TRIO: variants seen among roughly 807,000 people sequenced by gnomAD.
The protein encoded by TRIO is triple functional domain protein.
Under a neutral mutation model 351.9 loss-of-function variants are expected in TRIO, and 58 were observed. The ratio of observed to expected loss-of-function variants is 0.16; its 90% confidence interval spans 0.13 to 0.21. TRIO has a LOEUF of 0.21. Ranked by LOEUF, TRIO falls within the 10% of genes least tolerant of loss-of-function variation. The pLI is 1.00. For synonymous variants in TRIO, 1,758 were observed against 1,595.7 expected (o/e 1.10, Z -2.42); for missense variants, 3,201 against 4,027.8 (o/e 0.79, Z 5.56).
At chr5:14,285,343 CTG>C (rs1736349445) in intron 3 of TRIO, among the ~76,000 whole-genome samples, 2 of 152,222 alleles carry the variant, frequency 1.3e-5, no homozygotes, top group Middle Eastern at 6.8e-3. Context: ...GCTCCTCTGA[CTG>C]TGAGCCGCCT....
intron 7 of TRIO, among the ~76,000 whole-genome samples, chr5:14,299,353 A>G (rs1236552761): frequency 1.3e-5 from 2 of 152,202 alleles, no homozygotes; most frequent in African/African-American, 4.8e-5. Context: ...TACGGTGGCC[A>G]GAGAAGAAGC....
intron 1 of TRIO, among the ~76,000 whole-genome samples, chr5:14,213,368 T>G (rs1041024636): frequency 6.7e-6 from 1 of 149,498 alleles, no homozygotes; most frequent in Non-Finnish European, 1.5e-5. Flanking sequence ...TTATTTATAA[T>G]ATATGCACTA....
rs749969070 is a variant in TRIO, at chr5:14,199,365, C to A, written c.157+55483C>A. Among the ~76,000 whole-genome samples, 4 of 152,198 alleles carry A rather than the reference C, an allele frequency of 2.6e-5. No homozygotes were observed. In the Middle Eastern group the frequency reaches 0.014, roughly 518 times the overall value. On this transcript the variant is annotated intron_variant, in intron 1 of 56. Coordinates refer to ENST00000344204, the MANE Select transcript of TRIO (RefSeq NM_007118.4). The stretch of plus-strand genomic sequence containing the variant: ...GTTTTGGATTATTAATGCAGAACTG[C>A]TAAATAATTTTTTGAATGGTAGCTT...
At chr5:14,182,571 A>C (rs1176507258) in intron 1 of TRIO, among the ~76,000 whole-genome samples, 1 of 152,218 alleles carries the variant, frequency 6.6e-6, no homozygotes, top group Non-Finnish European at 1.5e-5. Flanking sequence ...TTTTGTTGAT[A>C]ATTAAAGTGT....
At chr5:14,239,998 C>T (rs1416527659) in intron 1 of TRIO, among the ~76,000 whole-genome samples, 1 of 152,194 alleles carries the variant, frequency 6.6e-6, no homozygotes, top group Non-Finnish European at 1.5e-5. Context: ...CTGGTTTTCT[C>T]ATGTAGATCA....
rs986982728 is a variant in TRIO at position 14,347,933 on chromosome 5, G to C, written c.2047-10245G>C. ...ATCAGTTTTAATATATGAGTGTTTT[G>C]AATCAGTACAGAGTAAGAATCACAT... On this transcript the variant is annotated intron_variant, in intron 11 of 56. Coordinates refer to ENST00000344204, the MANE Select transcript of TRIO (RefSeq NM_007118.4). Among the ~76,000 whole-genome samples, 9 of 152,324 alleles carry C rather than the reference G, an allele frequency of 5.9e-5. 1 individual carries two copies. The South Asian group carries it at 1.9e-3, about 32-fold the overall frequency.
intron 34 of TRIO, among the ~76,000 whole-genome samples, chr5:14,444,517 C>T (rs904629773): frequency 6.6e-5 from 10 of 152,202 alleles, no homozygotes; most frequent in Non-Finnish European, 1.0e-4. Context: ...TGTCCCTGCT[C>T]ACCCCTACCT....
intron 37 of TRIO, among the ~76,000 whole-genome samples, chr5:14,469,245 T>C (rs888339105): frequency 6.6e-6 from 1 of 152,080 alleles, no homozygotes; most frequent in Non-Finnish European, 1.5e-5. Flanking sequence ...AAACCAAAAA[T>C]TTATTCTTTA....
chr5:14,482,622 C>T lies in TRIO; in HGVS notation c.6506C>T (p.Thr2169Ile), dbSNP rs1308284765. 3 of 1,571,962 alleles carry T rather than the reference C, an allele frequency of 1.9e-6. No individual in the cohort carries two copies. The highest frequency in any genetic ancestry group is 1.8e-5 in the Admixed American group (1 of 55,978). Reference sequence around the variant, plus strand: ...CAGGGTAAACTGCTCTTGCAGGACACATTCTTGGTCACAGACCAAGATGCA... The same window carrying T: ...CAGGGTAAACTGCTCTTGCAGGACATATTCTTGGTCACAGACCAAGATGCA... ...VAQGKLLLQDTFLVTDQDAGL... is the reference protein window; with the variant it reads ...VAQGKLLLQDIFLVTDQDAGL... The change falls in exon 46 of 57, where the codon ACA (threonine) becomes ATA (isoleucine). Residue 2169 changes from threonine (T) to isoleucine (I), a missense_variant. Thr to Ile is a moderately conservative substitution (Grantham distance 89, BLOSUM62 -1). Coordinates refer to ENST00000344204, the MANE Select transcript of TRIO (RefSeq NM_007118.4).
chr5:14,499,040 G>T (rs1414729829), intron 53 of TRIO: 2 of 178,900 alleles, frequency 1.1e-5, no homozygotes, highest in East Asian at 1.2e-4. Context: ...ATCTGGTCTA[G>T]GTTGGTCTCA....
At chr5:14,264,826 C>T (rs1469925793) in intron 1 of TRIO, among the ~76,000 whole-genome samples, 1 of 152,174 alleles carries the variant, frequency 6.6e-6, no homozygotes, top group African/African-American at 2.4e-5. Context: ...TCTGCGCGTG[C>T]GCTTGCGGAG....
chr5:14,296,001 T>C (rs988761546), intron 6 of TRIO, among the ~76,000 whole-genome samples: 9 of 152,168 alleles, frequency 5.9e-5, no homozygotes, highest in Non-Finnish European at 1.3e-4. Context: ...AAAGAAATAA[T>C]GAACAAGTGA....
intron 1 of TRIO, among the ~76,000 whole-genome samples, chr5:14,171,945 C>T (rs115283756): frequency 0.014 from 2,055 of 152,192 alleles, 24 homozygotes; most frequent in Middle Eastern, 0.024. Context: ...GCAAAGATAT[C>T]CTTGTATGCA....
At chr5:14,427,883 C>G (rs750650142) in intron 34 of TRIO, among the ~76,000 whole-genome samples, 1 of 152,164 alleles carries the variant, frequency 6.6e-6, no homozygotes, top group Non-Finnish European at 1.5e-5. Flanking sequence ...CAAGAGCCAG[C>G]CACACACTGA....
intron 37 of TRIO, among the ~76,000 whole-genome samples, chr5:14,468,689 C>T (rs543597628): frequency 1.3e-5 from 2 of 152,214 alleles, no homozygotes; most frequent in African/African-American, 4.8e-5. Context: ...CCTTAAGCAT[C>T]CACATGTGTT....
chr5:14,444,267 A>G (rs1357998615), intron 34 of TRIO, among the ~76,000 whole-genome samples: 1 of 152,258 alleles, frequency 6.6e-6, no homozygotes, highest in African/African-American at 2.4e-5. Context: ...ACTGCCTCAA[A>G]TTAAAGCTGT....
chr5:14,174,928 A>G (rs952892735), intron 1 of TRIO, among the ~76,000 whole-genome samples: 2 of 152,178 alleles, frequency 1.3e-5, no homozygotes, highest in African/African-American at 4.8e-5. Flanking sequence ...ATTATTACAG[A>G]TCTCTCAAAA....
At chr5:14,225,445 C>G (rs1379978389) in intron 1 of TRIO, among the ~76,000 whole-genome samples, 7 of 152,270 alleles carry the variant, frequency 4.6e-5, no homozygotes, top group Admixed American at 6.5e-5. Flanking sequence ...GCCATTGGGA[C>G]TGCATTTCCA....
chr5:14,414,743 C>A, intron 33 of TRIO, among the ~76,000 whole-genome samples: 1 of 152,066 alleles, frequency 6.6e-6, no homozygotes, highest in Non-Finnish European at 1.5e-5. Context: ...CTTTTAAACT[C>A]TAAGTGGCAG....
Sources: gnomAD v4.1 joint callset for allele counts (sites outside exome capture counted in the v4.1 genomes callset) on GRCh38, gnomAD v4.1.1 for gene constraint, MANE v1.5 for transcripts, NCBI Gene and HGNC (gene_info 2026-07-23, HGNC 2026-07-21) for gene names.